ABCA12: variants seen among roughly 807,000 people sequenced by gnomAD.
The protein encoded by ABCA12 is glucosylceramide transporter ABCA12.
A neutral mutation model predicts 293.5 loss-of-function variants in ABCA12; 156 were observed. The observed-to-expected ratio is 0.53, with a 90% CI of 0.47 to 0.61. The LOEUF is 0.61. Among genes scored for constraint, ABCA12 ranks in the 20% least tolerant of loss-of-function variants. The pLI is 0.00. For missense variants in ABCA12, 2,797 were observed against 3,090.2 expected, an observed-to-expected ratio of 0.91 and a Z score of 2.25; for synonymous variants, 1,063 against 1,108.0, an observed-to-expected ratio of 0.96 and a Z score of 0.81.
At position 214,986,718 on chromosome 2, in the gene ABCA12, G is replaced by A. The variant is rs1377148286; in HGVS notation, c.3987C>T (p.Tyr1329=). The A allele has an allele frequency of 3.1e-6, 5 of 1,614,074 alleles. No individual in the cohort carries two copies. Among genetic ancestry groups the A allele is most frequent in the Non-Finnish European group, 3.4e-6 (4 of 1,179,940 alleles). ...QNTNPSASPE[Y]MFSSNIEPEP... ...CAGGCTCGATGTTAGAGGAAAACAT[G>A]TATTCAGGACCTGGAGAGAAATCAA... Residue 1329 remains tyrosine, a synonymous_variant, in exon 28 of 53, where the codon TAC becomes TAT. Coordinates refer to ENST00000272895, the MANE Select transcript of ABCA12 (RefSeq NM_173076.3).
At chr2:215,034,294 A>C (rs1700944026) in intron 8 of ABCA12, among the ~76,000 whole-genome samples, 1 of 152,202 alleles carries the variant, frequency 6.6e-6, no homozygotes, top group East Asian at 1.9e-4. Context: ...GGTGTTTATT[A>C]GCAGCTCTCT....
chr2:215,045,855 AC>A lies in ABCA12; in HGVS notation c.853del (p.Val285PhefsTer50). ...TTCTTACCTGTTTGCCTTTCGAAGA[AC>A]ATCAAATAGATTGCTTAGTGATGTG... Reference protein sequence around the residue: ...NDTSLSNLFDVLRKANSVLLV... With the variant: ...NDTSLSNLFDXLRKANSVLLV... On this transcript the variant is annotated frameshift_variant, in exon 7 of 53. Coordinates refer to ENST00000272895, the MANE Select transcript of ABCA12 (RefSeq NM_173076.3). LOFTEE classifies it high-confidence loss of function. 1 of 1,613,500 alleles carries A rather than the reference AC, an allele frequency of 6.2e-7. No individual in the cohort carries two copies. Among genetic ancestry groups the A allele is most frequent in the Non-Finnish European group, 8.5e-7 (1 of 1,179,686 alleles).
chr2:215,072,330 C>A (rs972347549), intron 2 of ABCA12, among the ~76,000 whole-genome samples: 1 of 151,968 alleles, frequency 6.6e-6, no homozygotes, highest in Non-Finnish European at 1.5e-5. Flanking sequence ...ATTTTTTGTA[C>A]CTTGAGACTC....
chr2:214,931,668 C>T lies in ABCA12; in HGVS notation c.*966G>A, dbSNP rs1182869428. The T allele has an allele frequency of 3.3e-5, 5 of 152,630 alleles. No homozygotes were observed. The highest frequency in any genetic ancestry group is 3.2e-3 in the Middle Eastern group (1 of 316). The allele number at this position is 152,630 out of a possible 1,614,324, so 9.5% of individuals were successfully genotyped here. ...CATAAAGCACCTTTCCCCAGGGCCA[C>T]GTCACTTGCCATTATTAAGAAGTCT... On this transcript the variant is annotated 3_prime_UTR_variant, in exon 53 of 53. Transcript: ENST00000272895.
At chr2:215,018,991 A>T (rs1700565350) in intron 13 of ABCA12, among the ~76,000 whole-genome samples, 1 of 152,168 alleles carries the variant, frequency 6.6e-6, no homozygotes, top group Admixed American at 6.6e-5. Context: ...GTTTTTTTCC[A>T]TCAGGTTATT....
At chr2:215,053,141 A>G (rs749721154) in intron 4 of ABCA12, among the ~76,000 whole-genome samples, 1 of 152,120 alleles carries the variant, frequency 6.6e-6, no homozygotes, top group Non-Finnish European at 1.5e-5. Context: ...AGTATACTCT[A>G]ATTAAGTAAT....
At chr2:215,082,529 A>G (rs1880130) in intron 2 of ABCA12, 76,854 of 151,986 alleles carry the variant, frequency 0.51, 21,628 homozygotes, top group South Asian at 0.68. Flanking sequence ...GGTTCAAAGG[A>G]ACATAGGCCC....
chr2:214,937,068 A>G (rs1447117783), intron 51 of ABCA12, among the ~76,000 whole-genome samples: 2 of 152,220 alleles, frequency 1.3e-5, no homozygotes, highest in Non-Finnish European at 2.9e-5. Context: ...GAACTAATCA[A>G]TAAATTAAGA....
chr2:215,080,444 A>G (rs1457485539), intron 2 of ABCA12, among the ~76,000 whole-genome samples: 1 of 152,108 alleles, frequency 6.6e-6, no homozygotes, highest in African/African-American at 2.4e-5. Flanking sequence ...CGGAGGTTGC[A>G]GTAAGCTGAG....
At chr2:215,067,686 G>A (rs755945011) in intron 2 of ABCA12, among the ~76,000 whole-genome samples, 13 of 152,008 alleles carry the variant, frequency 8.6e-5, no homozygotes, top group Non-Finnish European at 1.9e-4. Flanking sequence ...AGTTTCTCAG[G>A]GGCCCCAGGC....
chr2:215,114,816 T>A (rs1236806465), intron 1 of ABCA12, among the ~76,000 whole-genome samples: 1 of 152,218 alleles, frequency 6.6e-6, no homozygotes, highest in Non-Finnish European at 1.5e-5. Flanking sequence ...ATTTATCAGT[T>A]TTGTATTTGA....
At chr2:215,009,894 C>A (rs989070664) in intron 18 of ABCA12, among the ~76,000 whole-genome samples, 1 of 152,070 alleles carries the variant, frequency 6.6e-6, no homozygotes, top group African/African-American at 2.4e-5. Context: ...ATAAATGAGA[C>A]GTTAAATTGT....
At chr2:214,984,015 T>C in intron 28 of ABCA12, 150 bp from the exon 29 acceptor site, 1 of 609,474 alleles carries the variant, frequency 1.6e-6, no homozygotes, top group Non-Finnish European at 2.8e-6. Flanking sequence ...TTAATGGGAA[T>C]AAGAAATATT....
At chr2:214,952,331 G>T (rs183269206) in intron 44 of ABCA12, among the ~76,000 whole-genome samples, 1 of 150,850 alleles carries the variant, frequency 6.6e-6, no homozygotes, top group Non-Finnish European at 1.5e-5. Flanking sequence ...AGCAATTCTC[G>T]TGCCTCAGCC....
At chr2:215,063,320 A>G (rs550029882) in intron 3 of ABCA12, among the ~76,000 whole-genome samples, 18 of 152,080 alleles carry the variant, frequency 1.2e-4, no homozygotes, top group African/African-American at 4.3e-4. Context: ...ATAGATAAAT[A>G]TAATATTTTC....
chr2:214,937,933 A>C (rs1323813892), intron 50 of ABCA12, among the ~76,000 whole-genome samples: 2 of 152,064 alleles, frequency 1.3e-5, no homozygotes, highest in Admixed American at 6.6e-5. Context: ...TCTGCAGTTA[A>C]ATACTTCCCT....
In ABCA12 at chr2:215,025,667, G is replaced by A. The variant is rs1559153580; in HGVS notation, c.1287+6C>T. 6.5e-7 allele frequency: 1 copy of A among 1,529,524 alleles called. No individual in the cohort carries two copies. Among genetic ancestry groups the A allele is most frequent in the Non-Finnish European group, 8.9e-7 (1 of 1,124,526 alleles). The allele number at this position is 1,529,524 out of a possible 1,614,324, so 94.7% of individuals were successfully genotyped here. On this transcript the variant is annotated splice_donor_region_variant and intron_variant, in intron 11 of 52. Transcript: ENST00000272895. ...TTTTTGTTTTTTTTTTACTTTCATG[G>A]CTTACTTTTGATTTTAGGACTTCAG...
intron 3 of ABCA12, among the ~76,000 whole-genome samples, 195 bp from the exon 4 acceptor site, chr2:215,054,859 C>T (rs1424160980): frequency 6.6e-6 from 1 of 151,988 alleles, no homozygotes; most frequent in Admixed American, 6.6e-5. Context: ...TATTTTTATT[C>T]AGAGAAAATG....
intron 30 of ABCA12, among the ~76,000 whole-genome samples, chr2:214,981,956 TATTATTATTATTATTA>T (rs1699670324): frequency 7.5e-6 from 1 of 132,720 alleles, no homozygotes; most frequent in Non-Finnish European, 1.6e-5. Flanking sequence ...TTATTATTAT[TATTATTATTATTATTA>T]TTATTATTAT....
Sources: allele counts gnomAD v4.1 joint callset (sites outside exome capture counted in the v4.1 genomes callset), GRCh38; gene constraint gnomAD v4.1.1; transcripts MANE v1.5; gene names NCBI Gene and HGNC (gene_info 2026-07-23, HGNC 2026-07-21).